Variants in PHEX observed in about 807,000 individuals in gnomAD.
The protein encoded by PHEX is phosphate regulating endopeptidase X-linked.
A neutral mutation model predicts 68.0 loss-of-function variants in PHEX; 16 were observed. The observed-to-expected ratio is 0.24, with a 90% confidence interval of 0.16 to 0.36. The LOEUF (loss-of-function observed/expected upper bound fraction) is 0.36. Ranked by LOEUF, PHEX falls within the 10% of genes least tolerant of loss-of-function variation. PHEX has a pLI of 1.00. For missense variants in PHEX, 480 were observed against 575.5 expected, an observed-to-expected ratio of 0.83 and a Z score of 1.70; for synonymous variants, 208 against 205.1, an observed-to-expected ratio of 1.01 and a Z score of -0.12.
chrX:22,036,365 A>T (rs946598637), intron 1 of PHEX, among the ~76,000 whole-genome samples: 1 of 110,212 alleles, frequency 9.1e-6, no homozygotes, highest in Non-Finnish European at 1.9e-5. Flanking sequence ...TGGCCTAATT[A>T]GTTATATTTA....
intron 7 of PHEX, among the ~76,000 whole-genome samples, chrX:22,096,640 A>G (rs73636803): frequency 0.086 from 9,683 of 111,971 alleles, 691 homozygotes; most frequent in African/African-American, 0.24. Context: ...GTTTACCTCA[A>G]TGTCCAACTT....
intron 5 of PHEX, among the ~76,000 whole-genome samples, chrX:22,085,538 G>T (rs1390506663): frequency 1.9e-5 from 2 of 103,179 alleles, no homozygotes; most frequent in African/African-American, 7.2e-5. Context: ...TCATGCCACT[G>T]CACTCCAGCC....
chrX:22,231,532 C>G (rs960482666), intron 20 of PHEX, among the ~76,000 whole-genome samples: 1 of 111,920 alleles, frequency 8.9e-6, no homozygotes, highest in African/African-American at 3.3e-5. Context: ...TTATCCATTT[C>G]TTCTAGATTT....
At chrX:22,233,377 T>A (rs1432712932) in intron 20 of PHEX, among the ~76,000 whole-genome samples, 1 of 111,372 alleles carries the variant, frequency 9.0e-6, no homozygotes, top group Non-Finnish European at 1.9e-5. Context: ...GAGGGGAAGT[T>A]CTCCTGGATA....
intron 18 of PHEX, among the ~76,000 whole-genome samples, chrX:22,222,452 A>T (rs147159719): frequency 1.8e-5 from 2 of 112,034 alleles, no homozygotes; most frequent in African/African-American, 6.5e-5. Flanking sequence ...CAGCATCTTC[A>T]TCTGTGAAAC....
chrX:22,227,685 T>G (rs1935556970), intron 20 of PHEX, 74 bp downstream of exon 20: 5 of 692,862 alleles, frequency 7.2e-6, no homozygotes, highest in Non-Finnish European at 1.2e-5. Flanking sequence ...AAAGAAAGAT[T>G]TCAAACAAAA....
Position 22,248,126 on chromosome X carries a change from C to A in PHEX, c.*173C>A. The A allele has an allele frequency of 2.2e-6, 1 of 447,312 alleles. No homozygotes were observed. Among genetic ancestry groups the A allele is most frequent in the Non-Finnish European group, 3.9e-6 (1 of 254,542 alleles). 36.9% of individuals were successfully genotyped at this position (447,312 alleles called of 1,213,427 possible). A position where few individuals can be genotyped will look rare whatever the true frequency, so the allele number is the denominator to read the frequency against. ...ACAGCATCTGTTCAAAGTTGTAGGG[C>A]TTATAAAGTGGAATATAAGAATGAA... On this transcript the variant is annotated 3_prime_UTR_variant, in exon 22 of 22. Coordinates refer to ENST00000379374, the MANE Select transcript of PHEX (RefSeq NM_000444.6).
intron 13 of PHEX, among the ~76,000 whole-genome samples, chrX:22,177,338 G>C (rs1933741424): frequency 1.8e-5 from 2 of 111,299 alleles, no homozygotes; most frequent in Admixed American, 9.6e-5. Flanking sequence ...GTTACCCTTG[G>C]TTATCTCCTT....
Position 22,197,960 on chromosome X carries a change from T to C in PHEX, c.1645+7458T>C, listed in dbSNP as rs946974537. Among the ~76,000 whole-genome samples, 13 of 108,445 alleles carry C rather than the reference T, an allele frequency of 1.2e-4. No homozygotes were observed. The East Asian group carries it at 2.3e-3, about 19-fold the overall frequency. The allele number at this position is 108,445 out of a possible 115,157, so 94.2% of individuals were successfully genotyped here. A position where few individuals can be genotyped will look rare whatever the true frequency, so the allele number is the denominator to read the frequency against. ...GGAGCTAATAGTAGTAACCATCCTA[T>C]AGGGTTTTTGTGAAGATTAAATGAT... On this transcript the variant is annotated intron_variant, in intron 15 of 21. Transcript: ENST00000379374.
chrX:22,163,510 G>A (rs751269189), intron 12 of PHEX: 6 of 111,958 alleles, frequency 5.4e-5, no homozygotes, highest in East Asian at 2.8e-4. Flanking sequence ...ATTGAGGAAC[G>A]GATGTCCAGC....
intron 5 of PHEX, among the ~76,000 whole-genome samples, chrX:22,080,396 A>G (rs959062038): frequency 7.2e-5 from 8 of 111,366 alleles, no homozygotes; most frequent in Non-Finnish European, 1.3e-4. Flanking sequence ...TCCATGACTG[A>G]ATATTCACAC....
intron 20 of PHEX, among the ~76,000 whole-genome samples, chrX:22,243,222 C>A (rs753990473): frequency 5.4e-5 from 6 of 111,534 alleles, no homozygotes; most frequent in East Asian, 2.8e-4. Context: ...AAAACTGGCT[C>A]GCCATATGCA....
At chrX:22,193,185 TATTA>T (rs1376097374) in intron 15 of PHEX, among the ~76,000 whole-genome samples, 1 of 111,184 alleles carries the variant, frequency 9.0e-6, no homozygotes, top group African/African-American at 3.3e-5. Context: ...AATAATTTAT[TATTA>T]ATTATAATCA....
intron 11 of PHEX, among the ~76,000 whole-genome samples, chrX:22,115,144 A>G (rs182409293): frequency 9.7e-4 from 108 of 111,441 alleles, no homozygotes; most frequent in African/African-American, 3.5e-3. Context: ...CCTGGCCAAC[A>G]TGGTAAAACC....
chrX:22,185,970 G>T (rs1482657268), intron 14 of PHEX, among the ~76,000 whole-genome samples: 2 of 110,542 alleles, frequency 1.8e-5, no homozygotes, highest in African/African-American at 6.6e-5. Flanking sequence ...TGGCCAGGCT[G>T]GTTTCGAACT....
chrX:22,224,850 G>A lies in PHEX; in HGVS notation c.1900-1593G>A, dbSNP rs150397605. On this transcript the variant is annotated intron_variant, in intron 18 of 21. Transcript: ENST00000379374. ...GGGCTAGCTTAAAAGTAAAGTGTTG[G>A]TAAGATCCATGGCTTGAAAGTTAAA... 5.9e-3 allele frequency among the ~76,000 whole-genome samples: 448 copies of A among 76,189 alleles called. 4 individuals are homozygous for A. Among genetic ancestry groups the A allele is most frequent in the African/African-American group, 0.024 (429 of 17,810 alleles). The allele number at this position is 76,189 out of a possible 115,157, so 66.2% of individuals were successfully genotyped here.
chrX:22,241,498 C>G (rs1222826740), intron 20 of PHEX, among the ~76,000 whole-genome samples: 1 of 110,446 alleles, frequency 9.1e-6, no homozygotes, highest in Non-Finnish European at 1.9e-5. Context: ...GCTGGCTTTT[C>G]AAAAAGATCA....
rs906670070 is a variant in PHEX, at chrX:22,249,239, G to GTGTGTGTGTA, written c.*1287_*1288insGTGTGTGTAT. 1.9e-5 allele frequency: 2 copies of GTGTGTGTGTA among 103,136 alleles called. No individual in the cohort carries two copies. The highest frequency in any genetic ancestry group is 7.2e-5 in the African/African-American group (2 of 27,886). 8.5% of individuals were successfully genotyped at this position (103,136 alleles called of 1,213,427 possible). On this transcript the variant is annotated 3_prime_UTR_variant, in exon 22 of 22. Coordinates refer to ENST00000379374, the MANE Select transcript of PHEX (RefSeq NM_000444.6). Reference sequence around the variant, plus strand: ...TGTGTGTGTGTGTGTGTGTGTGTGTGTAGGATAAAATTGTAATGGCCTTAA... The same window carrying GTGTGTGTGTA: ...TGTGTGTGTGTGTGTGTGTGTGTGTGTGTGTGTGTATAGGATAAAATTGTAATGGCCTTAA...
chrX:22,115,554 TTAGAAC>T (rs1218630696), intron 11 of PHEX, among the ~76,000 whole-genome samples: 1 of 111,948 alleles, frequency 8.9e-6, no homozygotes, highest in Non-Finnish European at 1.9e-5. Flanking sequence ...CTTATTCATC[TTAGAAC>T]TAGAAGTTTG....
Sources: gnomAD v4.1 joint callset for allele counts (sites outside exome capture counted in the v4.1 genomes callset) on GRCh38, gnomAD v4.1.1 for gene constraint, MANE v1.5 for transcripts, NCBI Gene and HGNC (gene_info 2026-07-23, HGNC 2026-07-21) for gene names.